Variants in TAFA5 observed in about 807,000 individuals in gnomAD.
TAFA5 encodes the protein chemokine-like protein TAFA-5.
In TAFA5, 6 loss-of-function variants were observed where a neutral mutation model predicts 15.3. The ratio of observed to expected loss-of-function variants is 0.39; its 90% confidence interval spans 0.21 to 0.77. TAFA5 has a LOEUF of 0.77. Among genes scored for constraint, TAFA5 ranks in the 30% least tolerant of loss-of-function variants. TAFA5 has a pLI of 0.41. For missense variants in TAFA5, 161 were observed against 193.1 expected, an observed-to-expected ratio of 0.83 and a Z score of 0.98; for synonymous variants, 103 against 80.7, an observed-to-expected ratio of 1.28 and a Z score of -1.48.
At chr22:48,739,369 G>A (rs1398508994) in intron 3 of TAFA5, among the ~76,000 whole-genome samples, 1 of 152,174 alleles carries the variant, frequency 6.6e-6, no homozygotes, top group Admixed American at 6.5e-5. Context: ...GTCTGGTTCT[G>A]TCAAAGCTAA....
chr22:48,693,434 A>T, intron 2 of TAFA5: 1 of 1,608,400 alleles, frequency 6.2e-7, no homozygotes, highest in South Asian at 1.1e-5. Context: ...GCAGTAAAGG[A>T]GGGACTGCGA....
intron 1 of TAFA5, among the ~76,000 whole-genome samples, chr22:48,600,915 C>T (rs1050055465): frequency 6.6e-6 from 1 of 152,130 alleles, no homozygotes; most frequent in Non-Finnish European, 1.5e-5. Flanking sequence ...GAGCCTGACA[C>T]TCGGTCACGG....
Position 48,749,999 on chromosome 22 carries a change from CT to C in TAFA5, c.*154del. The C allele has an allele frequency of 1.3e-6, 1 of 756,404 alleles. No individual in the cohort carries two copies. Among genetic ancestry groups the C allele is most frequent in the East Asian group, 2.7e-5 (1 of 37,162 alleles). The allele number at this position is 756,404 out of a possible 1,614,324, so 46.9% of individuals were successfully genotyped here. A position where few individuals can be genotyped will look rare whatever the true frequency, so the allele number is the denominator to read the frequency against. On this transcript the variant is annotated 3_prime_UTR_variant, in exon 4 of 4. Transcript: ENST00000402357. ...TGGTCCGTGAAGGACGGCCTCAGGCCTTGGCATCCTGAGCTTCGGTCTGTCC... is the reference window on the plus strand; with the variant it reads ...TGGTCCGTGAAGGACGGCCTCAGGCCTGGCATCCTGAGCTTCGGTCTGTCC...
At chr22:48,578,456 G>C (rs1009684716) in intron 1 of TAFA5, among the ~76,000 whole-genome samples, 1 of 152,246 alleles carries the variant, frequency 6.6e-6, no homozygotes, top group Non-Finnish European at 1.5e-5. Flanking sequence ...GAGGGTCTAG[G>C]TGTGGAGCAG....
intron 2 of TAFA5, among the ~76,000 whole-genome samples, chr22:48,691,610 GCTC>G (rs1453119997): frequency 6.6e-6 from 1 of 152,224 alleles, no homozygotes; most frequent in Non-Finnish European, 1.5e-5. Context: ...CCAGGAGCAG[GCTC>G]TTCTTCTGCC....
At chr22:48,694,826 C>T (rs1253143076) in intron 2 of TAFA5, among the ~76,000 whole-genome samples, 1 of 40,740 alleles carries the variant, frequency 2.5e-5, no homozygotes, top group African/African-American at 8.5e-5. Context: ...GCCGCCGCTC[C>T]GACCTCCGCC....
chr22:48,657,141 G>A (rs1927280105), intron 2 of TAFA5, among the ~76,000 whole-genome samples: 1 of 151,982 alleles, frequency 6.6e-6, no homozygotes, highest in Non-Finnish European at 1.5e-5. Context: ...GAGTAGAGAG[G>A]GATAGAGAAG....
chr22:48,498,307 G>A (rs2147094310), intron 1 of TAFA5, among the ~76,000 whole-genome samples: 1 of 151,722 alleles, frequency 6.6e-6, no homozygotes, highest in Admixed American at 6.6e-5. Flanking sequence ...GTGGGCTGAG[G>A]GTAGGAGTGG....
At chr22:48,492,404 A>G (rs1202145873) in intron 1 of TAFA5, among the ~76,000 whole-genome samples, 1 of 152,250 alleles carries the variant, frequency 6.6e-6, no homozygotes. Flanking sequence ...TCTGCAACAC[A>G]TAAGGTGCTG....
In TAFA5 at chr22:48,652,680, G is replaced by A. The variant is rs116489195; in HGVS notation, c.262+5934G>A. On this transcript the variant is annotated intron_variant, in intron 2 of 3. Coordinates refer to ENST00000402357, the MANE Select transcript of TAFA5 (RefSeq NM_001082967.3). ...GCCCAGACCCCCACGTGGAGCACCGGCTTTGCTCTGGGCTGTTTACTGGGC... is the reference window on the plus strand; with the variant it reads ...GCCCAGACCCCCACGTGGAGCACCGACTTTGCTCTGGGCTGTTTACTGGGC... Among the ~76,000 whole-genome samples the A allele has an allele frequency of 9.5e-3, 1,451 of 152,288 alleles. 23 individuals carry two copies. Among genetic ancestry groups the A allele is most frequent in the African/African-American group, 0.033 (1,389 of 41,548 alleles).
chr22:48,625,126 A>AG (rs1555893707), intron 1 of TAFA5, among the ~76,000 whole-genome samples: 44 of 151,142 alleles, frequency 2.9e-4, no homozygotes, highest in African/African-American at 1.0e-3. Flanking sequence ...AAAAAAAAAA[A>AG]AGAGAGAGAG....
At chr22:48,639,745 C>A (rs1293784379) in intron 1 of TAFA5, among the ~76,000 whole-genome samples, 1 of 152,194 alleles carries the variant, frequency 6.6e-6, no homozygotes, top group Non-Finnish European at 1.5e-5. Context: ...AAACTTGGCT[C>A]ACTTATAAAA....
chr22:48,504,401 AG>A (rs1181555526), intron 1 of TAFA5, among the ~76,000 whole-genome samples: 2 of 152,152 alleles, frequency 1.3e-5, no homozygotes, highest in Non-Finnish European at 2.9e-5. Context: ...GGGGCTGGGC[AG>A]GGGGGCAGCT....
chr22:48,576,333 C>A, intron 1 of TAFA5: 1 of 1,127,682 alleles, frequency 8.9e-7, no homozygotes, highest in Non-Finnish European at 1.1e-6. Flanking sequence ...CCCGGAGTGG[C>A]GCCTCCAGTC....
At chr22:48,622,735 G>A (rs1180095763) in intron 1 of TAFA5, among the ~76,000 whole-genome samples, 1 of 152,226 alleles carries the variant, frequency 6.6e-6, no homozygotes, top group Non-Finnish European at 1.5e-5. Flanking sequence ...ATCGATGCGG[G>A]ACAGCCCACG....
At chr22:48,599,325 G>T (rs1924879342) in intron 1 of TAFA5, among the ~76,000 whole-genome samples, 1 of 152,224 alleles carries the variant, frequency 6.6e-6, no homozygotes, top group Non-Finnish European at 1.5e-5. Context: ...GTAACACGCA[G>T]AAGACACTTT....
intron 1 of TAFA5, among the ~76,000 whole-genome samples, chr22:48,633,199 C>T (rs796362948): frequency 1.3e-5 from 2 of 152,310 alleles, no homozygotes; most frequent in East Asian, 1.9e-4. Context: ...GACCTGAACC[C>T]CACGACCTTT....
At chr22:48,648,264 G>A (rs1347379263) in intron 2 of TAFA5, among the ~76,000 whole-genome samples, 1 of 152,168 alleles carries the variant, frequency 6.6e-6, no homozygotes, top group Non-Finnish European at 1.5e-5. Flanking sequence ...TCCCAGGGCT[G>A]GATTTGGAGT....
chr22:48,642,564 C>T (rs985539470), intron 1 of TAFA5, among the ~76,000 whole-genome samples: 6 of 152,218 alleles, frequency 3.9e-5, no homozygotes, highest in African/African-American at 1.4e-4. Flanking sequence ...TCCCTGCAGC[C>T]TGGAGACCAG....
Sources: allele counts gnomAD v4.1 joint callset (sites outside exome capture counted in the v4.1 genomes callset), GRCh38; gene constraint gnomAD v4.1.1; transcripts MANE v1.5; gene names NCBI Gene and HGNC (gene_info 2026-07-23, HGNC 2026-07-21).